The following BTBD9 variants were observed in gnomAD, a reference collection of about 807,000 sequenced individuals.
BTBD9 encodes the protein BTB domain containing 9.
BTBD9 carries 49 observed loss-of-function variants against 64.3 expected under a neutral mutation model. That is an observed-to-expected ratio of 0.76 (90% confidence interval 0.61 to 0.97). BTBD9 has a LOEUF of 0.97. BTBD9 is among the 50% of genes least tolerant of loss of function. The pLI, the probability that BTBD9 is intolerant of heterozygous loss-of-function variation, is 0.00. For missense variants in BTBD9, 598 were observed against 762.1 expected, an observed-to-expected ratio of 0.78 and a Z score of 2.53; for synonymous variants, 260 against 274.7, an observed-to-expected ratio of 0.95 and a Z score of 0.53.
chr6:38,489,257 G>C (rs1431420158), intron 6 of BTBD9, among the ~76,000 whole-genome samples: 1 of 152,006 alleles, frequency 6.6e-6, no homozygotes, highest in African/African-American at 2.4e-5. Context: ...AATATTCCCA[G>C]AAGTTTGAGA....
intron 1 of BTBD9, among the ~76,000 whole-genome samples, chr6:38,613,510 T>C (rs1265817500): frequency 1.3e-5 from 2 of 152,026 alleles, no homozygotes; most frequent in East Asian, 3.9e-4. Flanking sequence ...TAATCCCAGC[T>C]ACTTGGGAGG....
intron 5 of BTBD9, 71 bp downstream of exon 5, chr6:38,580,147 A>G: frequency 1.4e-6 from 2 of 1,438,100 alleles, no homozygotes; most frequent in Non-Finnish European, 9.6e-7. Flanking sequence ...TCTGTAAAAC[A>G]AAAGTAGATG....
chr6:38,259,409 G>C (rs988573952), intron 8 of BTBD9, among the ~76,000 whole-genome samples: 3 of 151,934 alleles, frequency 2.0e-5, no homozygotes, highest in South Asian at 4.2e-4. Context: ...TTTGTTGTTG[G>C]GGAAGGTTGG....
intron 1 of BTBD9, among the ~76,000 whole-genome samples, chr6:38,613,352 T>A (rs1338324344): frequency 6.6e-6 from 1 of 152,226 alleles, no homozygotes; most frequent in Admixed American, 6.5e-5. Flanking sequence ...CCGGGCATGG[T>A]GACTCACGCT....
rs528920359 is a variant in BTBD9 at position 38,175,936 on chromosome 6, C to T, written c.1642-754G>A. ...AATGTGTAGAAGCCAGCCACCTGGC[C>T]GACAGTCACCCTCTAGGAGCTAAGA... On this transcript the variant is annotated intron_variant, in intron 10 of 10. Coordinates refer to ENST00000481247, the MANE Select transcript of BTBD9 (RefSeq NM_001099272.2). 1.2e-4 allele frequency among the ~76,000 whole-genome samples: 19 copies of T among 152,322 alleles called. No homozygotes were observed. In the East Asian group the frequency reaches 1.3e-3, roughly 11 times the overall value.
chr6:38,228,492 G>T (rs1763487765), intron 9 of BTBD9, among the ~76,000 whole-genome samples: 1 of 152,036 alleles, frequency 6.6e-6, no homozygotes, highest in Non-Finnish European at 1.5e-5. Flanking sequence ...ACTTGGGGAG[G>T]CTGTGCATGT....
intron 6 of BTBD9, among the ~76,000 whole-genome samples, chr6:38,350,931 C>G (rs2179532): frequency 0.6 from 90,985 of 152,156 alleles, 27,954 homozygotes; most frequent in East Asian, 0.83. Flanking sequence ...CCAAGAAGCA[C>G]GTAATGCCTG....
At chr6:38,611,120 G>A (rs1777604788) in intron 1 of BTBD9, among the ~76,000 whole-genome samples, 1 of 152,086 alleles carries the variant, frequency 6.6e-6, no homozygotes, top group African/African-American at 2.4e-5. Context: ...GGATATATAT[G>A]TGTTTAAATA....
chr6:38,579,408 C>T (rs1455773239), intron 5 of BTBD9, among the ~76,000 whole-genome samples: 1 of 152,124 alleles, frequency 6.6e-6, no homozygotes, highest in Non-Finnish European at 1.5e-5. Flanking sequence ...TTATGATAAA[C>T]AGCAATGAAG....
rs368257334 is a variant in BTBD9, at chr6:38,303,874, T to TATATATATATACAC, written c.1265-15414_1265-15413insGTGTATATATATAT. Among the ~76,000 whole-genome samples the TATATATATATACAC allele has an allele frequency of 6.2e-3, 507 of 82,400 alleles. 1 individual carries two copies. Among genetic ancestry groups the TATATATATATACAC allele is most frequent in the African/African-American group, 0.01 (217 of 20,740 alleles). 54.1% of individuals were successfully genotyped at this position (82,400 alleles called of 152,430 possible). ...ATATATATATATATATATATATATA[T>TATATATATATACAC]ACACACACACACATGTGTATATATA... On this transcript the variant is annotated intron_variant, in intron 7 of 10. Coordinates refer to ENST00000481247, the MANE Select transcript of BTBD9 (RefSeq NM_001099272.2).
chr6:38,550,355 C>T (rs1774743660), intron 6 of BTBD9, among the ~76,000 whole-genome samples: 1 of 146,346 alleles, frequency 6.8e-6, no homozygotes, highest in Admixed American at 7.0e-5. Context: ...CTCGCTCTGT[C>T]GCCCAGGCTG....
At chr6:38,613,549 G>A (rs1777687908) in intron 1 of BTBD9, among the ~76,000 whole-genome samples, 1 of 152,058 alleles carries the variant, frequency 6.6e-6, no homozygotes, top group Non-Finnish European at 1.5e-5. Context: ...GGAGGCCGCA[G>A]TGAGCCAAGA....
intron 9 of BTBD9, among the ~76,000 whole-genome samples, chr6:38,196,474 C>T (rs968781051): frequency 3.3e-5 from 5 of 152,178 alleles, no homozygotes; most frequent in African/African-American, 4.8e-5. Context: ...TCAAGTTTGA[C>T]AGTATATGAT....
At chr6:38,277,991 T>C (rs1761346456) in intron 8 of BTBD9, among the ~76,000 whole-genome samples, 1 of 152,236 alleles carries the variant, frequency 6.6e-6, no homozygotes, top group African/African-American at 2.4e-5. Context: ...GCTGACCGTA[T>C]GACATAGTTC....
intron 6 of BTBD9, among the ~76,000 whole-genome samples, chr6:38,394,266 TG>T (rs1464709629): frequency 6.6e-6 from 1 of 152,158 alleles, no homozygotes; most frequent in African/African-American, 2.4e-5. Flanking sequence ...GGCATTCTAA[TG>T]GCATAGAATA....
chr6:38,629,991 T>C (rs918703553), intron 1 of BTBD9, among the ~76,000 whole-genome samples: 1 of 151,220 alleles, frequency 6.6e-6, no homozygotes, highest in East Asian at 2.0e-4. Context: ...GCGGATCACC[T>C]GAGGTCAAGA....
chr6:38,455,984 T>C (rs1769783831), intron 6 of BTBD9, among the ~76,000 whole-genome samples: 1 of 149,836 alleles, frequency 6.7e-6, no homozygotes, highest in Non-Finnish European at 1.5e-5. Flanking sequence ...GCCCTTTTTT[T>C]TTTCTTTTTT....
chr6:38,631,088 A>G (rs1778344388), intron 1 of BTBD9, among the ~76,000 whole-genome samples: 1 of 152,256 alleles, frequency 6.6e-6, no homozygotes, highest in Non-Finnish European at 1.5e-5. Context: ...ATAAATGTAT[A>G]GAATAGAATA....
At chr6:38,489,215 T>C (rs578011015) in intron 6 of BTBD9, among the ~76,000 whole-genome samples, 1 of 152,274 alleles carries the variant, frequency 6.6e-6, no homozygotes, top group East Asian at 1.9e-4. Flanking sequence ...TTTTTAAAAA[T>C]GCAGATACAC....
Sources: gnomAD v4.1 joint callset for allele counts (sites outside exome capture counted in the v4.1 genomes callset) on GRCh38, gnomAD v4.1.1 for gene constraint, MANE v1.5 for transcripts, NCBI Gene and HGNC (gene_info 2026-07-23, HGNC 2026-07-21) for gene names.